The following DNAH3 variants were observed in gnomAD, a reference collection of about 807,000 sequenced individuals.
DNAH3 encodes the protein dynein axonemal heavy chain 3.
A neutral mutation model predicts 432.5 loss-of-function variants in DNAH3; 332 were observed. The observed-to-expected ratio is 0.77, with a 90% CI of 0.70 to 0.84. The LOEUF is 0.84. DNAH3 is among the 40% of genes least tolerant of loss of function. The pLI is 0.00. For synonymous variants in DNAH3, 1,956 were observed against 1,900.2 expected (o/e 1.03, Z -0.76); for missense variants, 4,861 against 5,114.0 (o/e 0.95, Z 1.51).
chr16:21,106,426 T>C (rs889682205), intron 15 of DNAH3, 64 bp downstream of exon 15: 1 of 1,256,574 alleles, frequency 8.0e-7, no homozygotes, highest in Non-Finnish European at 1.1e-6. Context: ...AAATGTTATA[T>C]ATACAAATAT....
At chr16:21,126,648 G>T (rs2092451280) in intron 8 of DNAH3, among the ~76,000 whole-genome samples, 1 of 152,172 alleles carries the variant, frequency 6.6e-6, no homozygotes, top group Non-Finnish European at 1.5e-5. Flanking sequence ...CCAACCCCTG[G>T]GCCATGGACT....
chr16:20,994,462 A>G (rs1032519754), intron 44 of DNAH3, among the ~76,000 whole-genome samples: 1 of 152,220 alleles, frequency 6.6e-6, no homozygotes, highest in Admixed American at 6.5e-5. Context: ...AAATAAAAAA[A>G]TAAAAAGTTT....
intron 20 of DNAH3, among the ~76,000 whole-genome samples, chr16:21,075,864 C>T (rs567803278): frequency 6.4e-5 from 8 of 125,260 alleles, no homozygotes; most frequent in African/African-American, 9.1e-5. Flanking sequence ...GAGCTGAGAT[C>T]GTGATTTCAC....
chr16:20,995,513 T>C (rs1272251384), intron 44 of DNAH3, among the ~76,000 whole-genome samples: 1 of 152,134 alleles, frequency 6.6e-6, no homozygotes, highest in Non-Finnish European at 1.5e-5. Context: ...TCTGCCCACT[T>C]TGGCCTCCCA....
At chr16:21,020,348 G>GTGTGTATATATATA in intron 40 of DNAH3, among the ~76,000 whole-genome samples, 896 of 68,522 alleles carry the variant, frequency 0.013, 18 homozygotes, top group East Asian at 0.036. Flanking sequence ...TATAGTGTGT[G>GTGTGTATATATATA]TATATATATA....
intron 41 of DNAH3, among the ~76,000 whole-genome samples, chr16:21,004,516 C>T (rs1292397528): frequency 1.3e-5 from 2 of 152,082 alleles, no homozygotes; most frequent in South Asian, 2.1e-4. Flanking sequence ...TACAGGCACT[C>T]GCCACCACGC....
At chr16:21,159,003 C>CACACACACACAT (rs376244969) in intron 1 of DNAH3, among the ~76,000 whole-genome samples, 23 of 151,408 alleles carry the variant, frequency 1.5e-4, no homozygotes, top group African/African-American at 5.6e-4. Flanking sequence ...CACCCCCCAA[C>CACACACACACAT]ACACACACAC....
chr16:21,076,813 C>T (rs545866004), intron 20 of DNAH3, among the ~76,000 whole-genome samples: 5 of 152,234 alleles, frequency 3.3e-5, no homozygotes, highest in Admixed American at 2.6e-4. Flanking sequence ...CCCTGATTCA[C>T]GAATCTTGAT....
rs1374076549 is a variant in DNAH3, at chr16:20,959,778, T to A, written c.10601-374A>T. 2.6e-5 allele frequency among the ~76,000 whole-genome samples: 4 copies of A among 152,244 alleles called. No homozygotes were observed. In the East Asian group the frequency reaches 7.7e-4, roughly 29 times the overall value. On this transcript the variant is annotated intron_variant, in intron 53 of 61. Transcript: ENST00000261383. ...TTTAGACATCAGATCAGATGGCAGA[T>A]GAAGCTACCATCAACTTCTCTTTTG...
chr16:20,933,548 T>TG, intron 61 of DNAH3, 41 bp from the exon 62 acceptor site: 2 of 1,494,894 alleles, frequency 1.3e-6, no homozygotes, highest in South Asian at 2.6e-5. Context: ...GCCTGCCATT[T>TG]TCCTACATGG....
chr16:20,984,431 G>A (rs967063128), intron 48 of DNAH3, among the ~76,000 whole-genome samples: 2 of 152,044 alleles, frequency 1.3e-5, no homozygotes, highest in Admixed American at 6.6e-5. Context: ...GACAGGACTT[G>A]GTAAAGAAAG....
chr16:20,953,315 C>T (rs1451978257), intron 55 of DNAH3, among the ~76,000 whole-genome samples: 3 of 151,860 alleles, frequency 2.0e-5, no homozygotes, highest in Admixed American at 6.6e-5. Flanking sequence ...CGTGCCACCA[C>T]GCCCAGCTAG....
chr16:21,057,551 T>C (rs2090179296), intron 27 of DNAH3, among the ~76,000 whole-genome samples: 1 of 152,224 alleles, frequency 6.6e-6, no homozygotes, highest in African/African-American at 2.4e-5. Context: ...GTGTCAGGAT[T>C]TGAACTCAAG....
At chr16:20,983,808 T>C (rs1292053360) in intron 48 of DNAH3, among the ~76,000 whole-genome samples, 1 of 150,792 alleles carries the variant, frequency 6.6e-6, no homozygotes. Context: ...AGCCCAGGAG[T>C]TTCAGACCAA....
chr16:21,054,447 C>G (rs776579244), exon 28 of DNAH3: 15 of 1,614,096 alleles, frequency 9.3e-6, no homozygotes, highest in Non-Finnish European at 1.2e-5. Flanking sequence ...GTGAGGGCCC[C>G]GAGAGTGAGT....
At chr16:21,122,192 T>C in intron 9 of DNAH3, 68 bp from the exon 11 acceptor site, 1 of 1,298,144 alleles carries the variant, frequency 7.7e-7, no homozygotes, top group Non-Finnish European at 1.1e-6. Flanking sequence ...GAGTGAATTT[T>C]ATACATTCAT....
At chr16:20,980,240 TA>T (rs1382708943) in intron 49 of DNAH3, among the ~76,000 whole-genome samples, 6 of 97,048 alleles carry the variant, frequency 6.2e-5, no homozygotes, top group African/African-American at 1.3e-4. Context: ...TTATATTATA[TA>T]TATAATATAC....
intron 34 of DNAH3, 23 bp from the exon 35 acceptor site, chr16:21,036,871 A>G (rs1415655941): frequency 6.3e-7 from 1 of 1,587,196 alleles, no homozygotes; most frequent in Admixed American, 1.7e-5. Context: ...ATTTAAAAGA[A>G]AGTGGAAAGG....
At chr16:20,991,476 C>T (rs2086555777) in intron 44 of DNAH3, among the ~76,000 whole-genome samples, 1 of 152,140 alleles carries the variant, frequency 6.6e-6, no homozygotes, top group African/African-American at 2.4e-5. Context: ...ATTGGCCAGG[C>T]TGGTCTCAAA....
Sources: allele counts gnomAD v4.1 joint callset (sites outside exome capture counted in the v4.1 genomes callset), GRCh38; gene constraint gnomAD v4.1.1; transcripts MANE v1.5; gene names NCBI Gene and HGNC (gene_info 2026-07-23, HGNC 2026-07-21).